The following RALA variants were observed in gnomAD, a reference collection of about 807,000 sequenced individuals.
RALA encodes the protein RAS like proto-oncogene A.
A neutral mutation model predicts 24.0 loss-of-function variants in RALA; 5 were observed. That is an observed-to-expected ratio of 0.21 (90% CI 0.11 to 0.44). The LOEUF (loss-of-function observed/expected upper bound fraction) is 0.44. RALA is among the 20% of genes least tolerant of loss of function. The pLI is 0.99. For synonymous variants in RALA, 77 were observed against 83.8 expected, an observed-to-expected ratio of 0.92 and a Z score of 0.44; for missense variants, 95 against 241.2, an observed-to-expected ratio of 0.39 and a Z score of 4.01.
At chr7:39,690,672 CT>C (rs1463938546) in intron 3 of RALA, 82 bp downstream of exon 3, 2 of 1,112,822 alleles carry the variant, frequency 1.8e-6, no homozygotes, top group African/African-American at 3.2e-5. Context: ...ACTAGAGGTT[CT>C]AACTTGTTAG....
At position 39,650,556 on chromosome 7, in the gene RALA, C is replaced by A. The variant is rs1297861385; in HGVS notation, c.-38+26731C>A. On this transcript the variant is annotated intron_variant, in intron 1 of 4. Coordinates refer to ENST00000005257, the MANE Select transcript of RALA (RefSeq NM_005402.4). Reference sequence around the variant, plus strand: ...ACCCCTTTTCTGGTTTTGGTCAAACCACATAGAAAATCAGAACTTTGAATT... The same window carrying A: ...ACCCCTTTTCTGGTTTTGGTCAAACAACATAGAAAATCAGAACTTTGAATT... Among the ~76,000 whole-genome samples, 4 of 151,600 alleles carry A rather than the reference C, an allele frequency of 2.6e-5. No homozygotes were observed. The East Asian group carries it at 7.8e-4, about 29-fold the overall frequency.
At chr7:39,698,459 G>A (rs1260059154) in intron 4 of RALA, among the ~76,000 whole-genome samples, 1 of 152,118 alleles carries the variant, frequency 6.6e-6, no homozygotes. Flanking sequence ...TATGTAAAAT[G>A]CCCAGCCTGT....
intron 2 of RALA, among the ~76,000 whole-genome samples, chr7:39,688,190 G>T (rs1384810035): frequency 6.6e-6 from 1 of 152,180 alleles, no homozygotes; most frequent in Non-Finnish European, 1.5e-5. Context: ...AATCACTTGA[G>T]GCTAGGAGCT....
intron 4 of RALA, among the ~76,000 whole-genome samples, chr7:39,703,691 G>A (rs1362299434): frequency 1.3e-5 from 2 of 152,168 alleles, no homozygotes; most frequent in African/African-American, 4.8e-5. Flanking sequence ...AGAAAAAAAT[G>A]TGATCATGTT....
intron 1 of RALA, among the ~76,000 whole-genome samples, chr7:39,679,743 C>T (rs1448295444): frequency 3.3e-5 from 5 of 151,752 alleles, no homozygotes; most frequent in Admixed American, 2.6e-4. Context: ...GAGACAGACT[C>T]TCTGTTGCCC....
At chr7:39,661,178 G>A (rs1792182285) in intron 1 of RALA, among the ~76,000 whole-genome samples, 2 of 152,260 alleles carry the variant, frequency 1.3e-5, no homozygotes, top group South Asian at 2.1e-4. Flanking sequence ...ATCTCCCAGC[G>A]GGTCCCTACC....
chr7:39,641,175 GTC>G (rs1163605242), intron 1 of RALA, among the ~76,000 whole-genome samples: 5 of 152,102 alleles, frequency 3.3e-5, no homozygotes, highest in Non-Finnish European at 7.4e-5. Context: ...CAAATCATAT[GTC>G]TACTTCTTTG....
At chr7:39,705,200 A>G (rs960218688) in intron 4 of RALA, among the ~76,000 whole-genome samples, 16 of 152,246 alleles carry the variant, frequency 1.1e-4, no homozygotes, top group Admixed American at 6.5e-4. Flanking sequence ...TCCATCTGCT[A>G]TTCTGTGCCT....
intron 2 of RALA, among the ~76,000 whole-genome samples, chr7:39,689,514 A>G (rs1321359561): frequency 6.6e-6 from 1 of 152,234 alleles, no homozygotes; most frequent in Non-Finnish European, 1.5e-5. Flanking sequence ...TAATGACAAG[A>G]TACAGTCATA....
At position 39,657,871 on chromosome 7, in the gene RALA, A is replaced by G. The variant is rs1355218502; in HGVS notation, c.-37-28760A>G. Among the ~76,000 whole-genome samples, 5 of 152,226 alleles carry G rather than the reference A, an allele frequency of 3.3e-5. 1 individual carries two copies. Among genetic ancestry groups the G allele is most frequent in the African/African-American group, 1.2e-4 (5 of 41,462 alleles). On this transcript the variant is annotated intron_variant, in intron 1 of 4. Coordinates refer to ENST00000005257, the MANE Select transcript of RALA (RefSeq NM_005402.4). ...TTTTAAATATGATTGTCTTTTAATGATAGTTTTAAAAGACTGGAGGTTTAC... is the reference window on the plus strand; with the variant it reads ...TTTTAAATATGATTGTCTTTTAATGGTAGTTTTAAAAGACTGGAGGTTTAC...
intron 3 of RALA, among the ~76,000 whole-genome samples, chr7:39,694,558 T>C (rs1304876448): frequency 6.6e-6 from 1 of 152,108 alleles, no homozygotes; most frequent in African/African-American, 2.4e-5. Context: ...ACTTCATAGG[T>C]TTAGGTAAGG....
chr7:39,641,512 T>A (rs1225340327), intron 1 of RALA, among the ~76,000 whole-genome samples: 1 of 152,134 alleles, frequency 6.6e-6, no homozygotes, highest in Non-Finnish European at 1.5e-5. Flanking sequence ...GCTCTCTGAG[T>A]GGGGTTATGA....
chr7:39,630,869 T>C (rs1262317523), intron 1 of RALA, among the ~76,000 whole-genome samples: 3 of 152,206 alleles, frequency 2.0e-5, no homozygotes, highest in African/African-American at 7.2e-5. Context: ...TCATAGAGGC[T>C]TTGTAGTATG....
intron 1 of RALA, among the ~76,000 whole-genome samples, chr7:39,644,700 C>G (rs1346834818): frequency 6.6e-6 from 1 of 152,144 alleles, no homozygotes; most frequent in Non-Finnish European, 1.5e-5. Flanking sequence ...TGGATTTAAA[C>G]TATCTAATTT....
chr7:39,637,800 T>A (rs575601926), intron 1 of RALA, among the ~76,000 whole-genome samples: 2 of 152,356 alleles, frequency 1.3e-5, no homozygotes, highest in East Asian at 3.9e-4. Flanking sequence ...TACACCTATA[T>A]TCACCAATCA....
At chr7:39,645,079 T>A (rs1049538254) in intron 1 of RALA, among the ~76,000 whole-genome samples, 1 of 152,210 alleles carries the variant, frequency 6.6e-6, no homozygotes, top group Non-Finnish European at 1.5e-5. Flanking sequence ...ATGACTTTCC[T>A]AGACGTTAAA....
At chr7:39,684,536 C>CA (rs1792662866) in intron 1 of RALA, among the ~76,000 whole-genome samples, 2 of 151,948 alleles carry the variant, frequency 1.3e-5, no homozygotes, top group Non-Finnish European at 2.9e-5. Flanking sequence ...ATGTGAGGCA[C>CA]AGACCCATGG....
intron 1 of RALA, among the ~76,000 whole-genome samples, chr7:39,685,301 A>G (rs1442575971): frequency 6.6e-6 from 1 of 152,252 alleles, no homozygotes; most frequent in African/African-American, 2.4e-5. Flanking sequence ...GGCTTAGAAA[A>G]GTGAAAAACA....
intron 1 of RALA, among the ~76,000 whole-genome samples, chr7:39,657,772 A>AG (rs1324627704): frequency 6.6e-6 from 1 of 151,710 alleles, no homozygotes; most frequent in Non-Finnish European, 1.5e-5. Context: ...AAAAGAAAAA[A>AG]AATGTTAATG....
Sources: allele counts gnomAD v4.1 joint callset (sites outside exome capture counted in the v4.1 genomes callset), GRCh38; gene constraint gnomAD v4.1.1; transcripts MANE v1.5; gene names NCBI Gene and HGNC (gene_info 2026-07-23, HGNC 2026-07-21).